The following TBX1 variants were observed in gnomAD, a reference collection of about 807,000 sequenced individuals.
TBX1 encodes T-box transcription factor TBX1.
A neutral mutation model predicts 40.8 loss-of-function variants in TBX1; 16 were observed. That is an observed-to-expected ratio of 0.39 (90% CI 0.27 to 0.60). TBX1 has a LOEUF of 0.60. Ranked by LOEUF, TBX1 falls within the 20% of genes least tolerant of loss-of-function variation. The pLI is 0.51. For missense variants in TBX1, 755 were observed against 728.5 expected (o/e 1.04, Z -0.42); for synonymous variants, 403 against 336.8 (o/e 1.20, Z -2.15).
upstream of TBX1, among the ~76,000 whole-genome samples, chr22:19,759,140 T>C (rs1936556102): frequency 6.6e-6 from 1 of 152,094 alleles, no homozygotes; most frequent in Non-Finnish European, 1.5e-5. Context: ...CTCGGGGGGC[T>C]GTAGAAGCTG....
At chr22:19,759,424 G>C, upstream of TBX1, 1 of 1,339,860 alleles carries the variant, frequency 7.5e-7, no homozygotes, top group African/African-American at 1.6e-5. Flanking sequence ...CCGTGGGCTG[G>C]GCTGGGCTGG....
upstream of TBX1, among the ~76,000 whole-genome samples, chr22:19,759,989 AG>A (rs1936589019): frequency 6.6e-6 from 1 of 152,290 alleles, no homozygotes; most frequent in South Asian, 2.1e-4. Flanking sequence ...AAGAGAGGAG[AG>A]AGCGGGAGAG....
rs754087937 is a variant in TBX1 at position 19,761,169 on chromosome 22, C to T, written c.326C>T (p.Pro109Leu). 9 of 1,524,424 alleles carry T rather than the reference C, an allele frequency of 5.9e-6. No individual in the cohort carries two copies. The highest frequency in any genetic ancestry group is 7.9e-6 in the Non-Finnish European group (9 of 1,132,514). The allele number at this position is 1,524,424 out of a possible 1,614,324, so 94.4% of individuals were successfully genotyped here. A position where few individuals can be genotyped will look rare whatever the true frequency, so the allele number is the denominator to read the frequency against. The change falls in exon 1 of 7, where the codon CCG (proline) becomes CTG (leucine). Residue 109 changes from proline (P) to leucine (L), a missense_variant. By Grantham distance (98) the Pro-to-Leu change is moderately conservative (BLOSUM62 -3). This residue lies in a region of TBX1 where 199 missense variants were observed against 173.0 expected (regional missense o/e 1.15). Transcript: ENST00000649276. ...AGCTGCGCGGCCGCAGCCAAGGCGC[C>T]GGTGAAGAAGAACGCGAAGGTGGCC... ...GASCAAAAKAPVKKNAKVAGV... is the reference protein window; with the variant it reads ...GASCAAAAKALVKKNAKVAGV...
At chr22:19,777,124 A>C (rs1354293627) in intron 8 of TBX1, among the ~76,000 whole-genome samples, 1 of 152,040 alleles carries the variant, frequency 6.6e-6, no homozygotes, top group Non-Finnish European at 1.5e-5. Context: ...GGTTTGTTAC[A>C]TATGTATACA....
chr22:19,773,964 T>C (rs541967750), intron 8 of TBX1, among the ~76,000 whole-genome samples: 1 of 152,386 alleles, frequency 6.6e-6, no homozygotes, highest in Admixed American at 6.5e-5. Context: ...TGCACAGGTC[T>C]CTTCCCCAGA....
chr22:19,777,891 C>T (rs1419626057), intron 8 of TBX1, among the ~76,000 whole-genome samples: 3 of 151,590 alleles, frequency 2.0e-5, no homozygotes, highest in African/African-American at 7.3e-5. Context: ...TCCCATGTAG[C>T]TGGGAACACA....
chr22:19,778,779 C>T (rs775490634), intron 8 of TBX1, among the ~76,000 whole-genome samples: 13 of 151,836 alleles, frequency 8.6e-5, no homozygotes, highest in Non-Finnish European at 1.6e-4. Context: ...GTTAGCTGGA[C>T]GTGGCGGCAG....
upstream of TBX1, among the ~76,000 whole-genome samples, chr22:19,758,169 G>A (rs796599305): frequency 1.1e-4 from 17 of 152,312 alleles, no homozygotes; most frequent in African/African-American, 4.1e-4. Flanking sequence ...AGGGTCTGAG[G>A]TCCTGAGATC....
At position 19,760,877 on chromosome 22, in the gene TBX1, C is replaced by G; in HGVS notation, c.34C>G (p.Gln12Glu). The G allele has an allele frequency of 9.5e-7, 1 of 1,048,382 alleles. No individual in the cohort carries two copies. The highest frequency in any genetic ancestry group is 1.2e-6 in the Non-Finnish European group (1 of 861,148). The allele number at this position is 1,048,382 out of a possible 1,614,324, so 64.9% of individuals were successfully genotyped here. Residue 12 changes from glutamine to glutamate, a missense_variant, in exon 1 of 7, where the codon CAG (glutamine) becomes GAG (glutamate). Coordinates refer to ENST00000649276, the MANE Select transcript of TBX1 (RefSeq NM_001379200.1). The part of the protein sequence containing the change: ...ISAVSSPWLT[Q>E]LSHFCDVAAF... ...CGCCGTGTCCAGCCCGTGGCTCACG[C>G]AGCTCTCGCATTTCTGCGACGTTGC...
Position 19,761,039 on chromosome 22 carries a change from GC to G in TBX1, c.201del (p.Gly68AlafsTer43), listed in dbSNP as rs1321457390. On this transcript the variant is annotated frameshift_variant, in exon 1 of 7. Transcript: ENST00000649276. LOFTEE classifies it high-confidence loss of function. ...GCGCTACGACCCGTGCGCCGCCGCC[GC>G]CCCCGGCGCCCCGGGCCCGCCGCCG... ...PPRYDPCAAAAPGAPGPPPPP... is the reference protein window; with the variant it reads ...PPRYDPCAAAXPGAPGPPPPP... The G allele has an allele frequency of 3.4e-6, 3 of 885,310 alleles. No homozygotes were observed. The highest frequency in any genetic ancestry group is 4.0e-6 in the Non-Finnish European group (3 of 742,284). 54.8% of individuals were successfully genotyped at this position (885,310 alleles called of 1,614,324 possible). A position where few individuals can be genotyped will look rare whatever the true frequency, so the allele number is the denominator to read the frequency against.
At chr22:19,766,180 GC>G in intron 6 of TBX1, 178 bp downstream of exon 6, 1 of 804,670 alleles carries the variant, frequency 1.2e-6, no homozygotes, top group Non-Finnish European at 1.5e-6. Flanking sequence ...GCTGCGCCCC[GC>G]CCGCCGCCGC....
Position 19,766,556 on chromosome 22 carries a change from C to A in TBX1, c.1204C>A (p.Pro402Thr). 1 of 1,413,522 alleles carries A rather than the reference C, an allele frequency of 7.1e-7. No homozygotes were observed. Among genetic ancestry groups the A allele is most frequent in the Non-Finnish European group, 9.2e-7 (1 of 1,083,574 alleles). The allele number at this position is 1,413,522 out of a possible 1,614,324, so 87.6% of individuals were successfully genotyped here. A position where few individuals can be genotyped will look rare whatever the true frequency, so the allele number is the denominator to read the frequency against. The change falls in exon 7 of 7, where the codon CCC (proline) becomes ACC (threonine). Residue 402 changes from proline (P) to threonine (T), a missense_variant. Pro to Thr is a conservative substitution (Grantham distance 38, BLOSUM62 -1). Coordinates refer to ENST00000649276, the MANE Select transcript of TBX1 (RefSeq NM_001379200.1). ...GCTGCCCGGCGCGCCCGGAGGCCGGCCCAGTCCCCCGAACCCCGAGCTGCG... is the reference window on the plus strand; with the variant it reads ...GCTGCCCGGCGCGCCCGGAGGCCGGACCAGTCCCCCGAACCCCGAGCTGCG... ...VPLPGAPGGRPSPPNPELRLE... is the reference protein window; with the variant it reads ...VPLPGAPGGRTSPPNPELRLE...
chr22:19,773,290 C>G (rs1268807519), intron 8 of TBX1, among the ~76,000 whole-genome samples: 1 of 152,200 alleles, frequency 6.6e-6, no homozygotes, highest in Non-Finnish European at 1.5e-5. Context: ...GCTCTGGGGA[C>G]AAGAGCTGCT....
At chr22:19,767,529 CCCCT>C (rs1177663084), downstream of TBX1, among the ~76,000 whole-genome samples, 7 of 152,164 alleles carry the variant, frequency 4.6e-5, no homozygotes, top group Non-Finnish European at 8.8e-5. Context: ...GCTCCCACTG[CCCCT>C]CCCCTCTCCG....
At chr22:19,759,774 G>C, upstream of TBX1, 2 of 1,389,686 alleles carry the variant, frequency 1.4e-6, no homozygotes, top group African/African-American at 1.4e-5. Flanking sequence ...GGCAGCTCTT[G>C]GTAGCGTGGG....
chr22:19,783,024 G>T (rs754165105), downstream of TBX1: 1 of 976,902 alleles, frequency 1.0e-6, no homozygotes, highest in Non-Finnish European at 1.7e-6. Flanking sequence ...GACACTTGAA[G>T]GTACTCAGGT....
upstream of TBX1, among the ~76,000 whole-genome samples, chr22:19,760,210 T>G (rs992039774): frequency 2.3e-4 from 23 of 100,008 alleles, no homozygotes; most frequent in Non-Finnish European, 4.0e-4. Context: ...GGAAAGACTT[T>G]AGTTTTTTTT....
chr22:19,762,471 G>A (rs1200729498), intron 1 of TBX1, among the ~76,000 whole-genome samples: 1 of 152,262 alleles, frequency 6.6e-6, no homozygotes, highest in Non-Finnish European at 1.5e-5. Context: ...TGTGGGGGTA[G>A]CCCATGGCCT....
intron 1 of TBX1, 50 bp from the exon 2 acceptor site, chr22:19,763,191 G>A (rs369754190): frequency 2.6e-6 from 4 of 1,523,944 alleles, no homozygotes; most frequent in East Asian, 4.5e-5. Context: ...GCAGGTCAAG[G>A]GGGGCTGCCT....
Sources: gnomAD v4.1 joint callset for allele counts (sites outside exome capture counted in the v4.1 genomes callset) on GRCh38, gnomAD v4.1.1 for gene constraint, gnomAD v4.1.1 regional missense constraint, MANE v1.5 for transcripts, NCBI Gene and HGNC (gene_info 2026-07-23, HGNC 2026-07-21) for gene names.